FAM149A: variants seen among roughly 807,000 people sequenced by gnomAD.
FAM149A encodes family with sequence similarity 149 member A, also known as protein FAM149A.
Under a neutral mutation model 78.2 loss-of-function variants are expected in FAM149A, and 71 were observed. The ratio of observed to expected loss-of-function variants is 0.91; its 90% CI spans 0.75 to 1.11. The LOEUF (loss-of-function observed/expected upper bound fraction) is 1.11, where lower values mean the gene tolerates loss of function less well. Among genes scored for constraint, FAM149A ranks in the 50% least tolerant of loss-of-function variants. The pLI is 0.00. For missense variants in FAM149A, 1,036 were observed against 971.0 expected, an observed-to-expected ratio of 1.07 and a Z score of -0.89; for synonymous variants, 446 against 410.5, an observed-to-expected ratio of 1.09 and a Z score of -1.04.
intron 1 of FAM149A, chr4:186,116,363 T>C: frequency 1.9e-6 from 1 of 530,770 alleles, no homozygotes; most frequent in Non-Finnish European, 2.4e-6. Flanking sequence ...TCTGTGTCAC[T>C]CACGCTGGGA....
In FAM149A at chr4:186,131,086, G is replaced by A. The variant is rs146258857; in HGVS notation, c.567-18087G>A. 4.8e-3 allele frequency among the ~76,000 whole-genome samples: 732 copies of A among 152,278 alleles called. 5 individuals carry two copies. The highest frequency in any genetic ancestry group is 0.017 in the African/African-American group (692 of 41,564). On this transcript the variant is annotated intron_variant, in intron 1 of 13. Coordinates refer to ENST00000389354, the MANE Select transcript of FAM149A (RefSeq NM_001367768.3). ...AGGAAGGGCAGGCGCAGTGGCTCAC[G>A]CCTGTAATCCCAGCACTTTGGGAGA... is the stretch of plus-strand genomic sequence containing the variant.
chr4:186,122,666 A>G (rs749872138), intron 1 of FAM149A: 3 of 165,148 alleles, frequency 1.8e-5, no homozygotes, highest in Non-Finnish European at 3.8e-5. Flanking sequence ...TTTTTAAAAA[A>G]ATGTTATAGT....
chr4:186,161,443 CT>C (rs1734599927), intron 8 of FAM149A, among the ~76,000 whole-genome samples: 5 of 152,264 alleles, frequency 3.3e-5, no homozygotes, highest in Admixed American at 3.3e-4. Flanking sequence ...TCTTCTGTGC[CT>C]TTTCTGTTCT....
Position 186,150,968 on chromosome 4 carries a change from C to G in FAM149A, c.790-935C>G, listed in dbSNP as rs906826716. 2.8e-5 allele frequency: 26 copies of G among 919,954 alleles called. 1 individual carries two copies. Among genetic ancestry groups the G allele is most frequent in the Non-Finnish European group, 3.4e-5 (26 of 770,140 alleles). The allele number at this position is 919,954 out of a possible 1,614,324, so 57.0% of individuals were successfully genotyped here. A position where few individuals can be genotyped will look rare whatever the true frequency, so the allele number is the denominator to read the frequency against. On this transcript the variant is annotated intron_variant, in intron 3 of 13. Transcript: ENST00000389354. ...AACTCCTGACGTTGTGATCCGCCTGCCTGGGCCTCCCATGGCATGAGCCAC... is the reference window on the plus strand; with the variant it reads ...AACTCCTGACGTTGTGATCCGCCTGGCTGGGCCTCCCATGGCATGAGCCAC...
intron 9 of FAM149A, among the ~76,000 whole-genome samples, chr4:186,163,165 G>A (rs530442392): frequency 1.1e-4 from 16 of 152,324 alleles, no homozygotes; most frequent in African/African-American, 3.8e-4. Context: ...GGGGAAAGGG[G>A]AATGTAGTCC....
In FAM149A at chr4:186,117,957, C is replaced by T. The variant is rs79420832; in HGVS notation, c.566+12315C>T. The stretch of plus-strand genomic sequence containing the variant: ...TCAGGTGGCTGGGAGGAGAGTGCCA[C>T]TCATAAAGGGGGACCACAGAAGATG... On this transcript the variant is annotated intron_variant, in intron 1 of 13. Coordinates refer to ENST00000389354, the MANE Select transcript of FAM149A (RefSeq NM_001367768.3). 1.1e-3 allele frequency: 1,070 copies of T among 985,238 alleles called. 15 individuals carry two copies. The African/African-American group carries it at 0.017, about 16-fold the overall frequency. 61.0% of individuals were successfully genotyped at this position (985,238 alleles called of 1,614,324 possible).
intron 7 of FAM149A, 105 bp from the exon 8 acceptor site, chr4:186,157,460 C>G (rs973054789): frequency 1.7e-6 from 2 of 1,173,548 alleles, no homozygotes; most frequent in East Asian, 5.1e-5. Context: ...GTAGCATGGG[C>G]TCGTGGTAGC....
At chr4:186,141,081 T>A (rs534588030) in intron 1 of FAM149A, among the ~76,000 whole-genome samples, 17 of 152,366 alleles carry the variant, frequency 1.1e-4, no homozygotes, top group African/African-American at 4.1e-4. Context: ...TGATTTGCAT[T>A]TCTCTAATGG....
At chr4:186,125,716 A>G (rs1403553368) in intron 1 of FAM149A, 2 of 984,742 alleles carry the variant, frequency 2.0e-6, no homozygotes, top group Non-Finnish European at 1.2e-6. Context: ...TAACACTACT[A>G]TTATTGTGAA....
At chr4:186,149,044 A>C in intron 1 of FAM149A, 129 bp from the exon 2 acceptor site, 2 of 465,468 alleles carry the variant, frequency 4.3e-6, no homozygotes, top group Non-Finnish European at 6.9e-6. Flanking sequence ...GCTCATGCAC[A>C]GGTGGGTTTG....
chr4:186,150,558 C>T (rs28404914), intron 3 of FAM149A, among the ~76,000 whole-genome samples: 49,862 of 106,538 alleles, frequency 0.47, 10,940 homozygotes, highest in Middle Eastern at 0.56. Context: ...TAGCTGGGAC[C>T]ACAGGCGCCC....
chr4:186,163,431 AAGG>A lies in FAM149A; in HGVS notation c.1692_1694del (p.Glu564del), dbSNP rs1734772158. Reference sequence around the variant, plus strand: ...ACAGGATTTCCTTCCCAGGAATGAGAAGGAGGACAAAGCATCGGGTGGAGGGGC... The same window carrying A: ...ACAGGATTTCCTTCCCAGGAATGAGAAGGACAAAGCATCGGGTGGAGGGGC... On this transcript the variant is annotated inframe_deletion, in exon 10 of 14. Transcript: ENST00000389354. 2.5e-6 allele frequency: 4 copies of A among 1,613,226 alleles called. No homozygotes were observed. The highest frequency in any genetic ancestry group is 1.8e-4 in the Middle Eastern group (1 of 5,520).
chr4:186,145,479 A>G (rs1020558675), intron 1 of FAM149A, among the ~76,000 whole-genome samples: 6 of 152,222 alleles, frequency 3.9e-5, no homozygotes, highest in African/African-American at 1.2e-4. Flanking sequence ...TCAACTAGGA[A>G]TAGAAAATTT....
At chr4:186,126,952 T>C in intron 1 of FAM149A, 1 of 985,392 alleles carries the variant, frequency 1.0e-6, no homozygotes, top group Non-Finnish European at 1.2e-6. Context: ...ATTTTCTGCT[T>C]TGGAACCACT....
At chr4:186,151,857 G>T in intron 3 of FAM149A, 46 bp from the exon 4 acceptor site, 2 of 1,605,322 alleles carry the variant, frequency 1.2e-6, no homozygotes, top group South Asian at 2.2e-5. Context: ...GAAGCCCGCA[G>T]TTCTGTAACT....
At chr4:186,167,294 T>G in intron 13 of FAM149A, 32 bp downstream of exon 13, 1 of 1,552,126 alleles carries the variant, frequency 6.4e-7, no homozygotes, top group South Asian at 1.1e-5. Flanking sequence ...AATAAAGTGA[T>G]GTAGTAAGTG....
chr4:186,127,240 A>C (rs2099318706), intron 1 of FAM149A: 1 of 962,300 alleles, frequency 1.0e-6, no homozygotes, highest in Non-Finnish European at 1.2e-6. Flanking sequence ...TTCACCCTGC[A>C]TGCCCACAAA....
Position 186,105,237 on chromosome 4 carries a change from T to TCCTCCGCGCCCTGGCTCCGGACTCCC in FAM149A, c.169_194dup (p.Ser66ProfsTer147), listed in dbSNP as rs769520935. On this transcript the variant is annotated frameshift_variant, in exon 1 of 14. Coordinates refer to ENST00000389354, the MANE Select transcript of FAM149A (RefSeq NM_001367768.3). LOFTEE classifies it high-confidence loss of function. ...ACCCCGTTGGGTACCGCCCCGACCC[T>TCCTCCGCGCCCTGGCTCCGGACTCCC]CCTCCGCGCCCTGGCTCCGGACTCC... The TCCTCCGCGCCCTGGCTCCGGACTCCC allele has an allele frequency of 4.3e-5, 53 of 1,239,134 alleles. No individual in the cohort carries two copies. The South Asian group carries it at 7.0e-4, about 16-fold the overall frequency. 76.8% of individuals were successfully genotyped at this position (1,239,134 alleles called of 1,614,324 possible). A position where few individuals can be genotyped will look rare whatever the true frequency, so the allele number is the denominator to read the frequency against.
rs750833869 is a variant in FAM149A, at chr4:186,154,430, C to CTA, written c.1059-35_1059-34dup. On this transcript the variant is annotated intron_variant, in intron 5 of 13. Coordinates refer to ENST00000389354, the MANE Select transcript of FAM149A (RefSeq NM_001367768.3). ...GTTTAAGCATTGCGTTCTTGGTGTTCTATAAACTCCCATGTAGAATCTGTT... is the reference window on the plus strand; with the variant it reads ...GTTTAAGCATTGCGTTCTTGGTGTTCTATATAAACTCCCATGTAGAATCTGTT... 9 of 1,556,776 alleles carry CTA rather than the reference C, an allele frequency of 5.8e-6. No homozygotes were observed. In the Admixed American group the frequency reaches 1.7e-4, roughly 29 times the overall value.
Sources: allele counts gnomAD v4.1 joint callset (sites outside exome capture counted in the v4.1 genomes callset), GRCh38; gene constraint gnomAD v4.1.1; transcripts MANE v1.5; gene names NCBI Gene and HGNC (gene_info 2026-07-23, HGNC 2026-07-21).